CHST8: variants seen among roughly 807,000 people sequenced by gnomAD.
CHST8 encodes GALNAC-4-ST1.
Under a neutral mutation model 15.0 loss-of-function variants are expected in CHST8, and 10 were observed. That is an observed-to-expected ratio of 0.67 (90% CI 0.41 to 1.13). The LOEUF is 1.13. Among genes scored for constraint, CHST8 ranks in the 50% most tolerant of loss-of-function variants. The probability of loss-of-function intolerance (pLI) is 0.00; values close to 1 mark genes in which losing one functional copy is unlikely to be tolerated. For synonymous variants in CHST8, 259 were observed against 256.6 expected (o/e 1.01, Z -0.09); for missense variants, 634 against 608.2 (o/e 1.04, Z -0.45).
chr19:33,699,708 G>C (rs1375081237), intron 3 of CHST8, among the ~76,000 whole-genome samples: 1 of 152,198 alleles, frequency 6.6e-6, no homozygotes, highest in Non-Finnish European at 1.5e-5. Context: ...AGGCAGCGCT[G>C]TGTTGATTGG....
intron 1 of CHST8, among the ~76,000 whole-genome samples, chr19:33,633,843 G>C (rs1470094670): frequency 1.3e-5 from 2 of 150,742 alleles, no homozygotes; most frequent in Admixed American, 6.7e-5. Flanking sequence ...CTGTTGCCCA[G>C]GTTGTAGGGT....
chr19:33,668,517 C>A (rs1264881947), intron 2 of CHST8, among the ~76,000 whole-genome samples: 1 of 152,066 alleles, frequency 6.6e-6, no homozygotes, highest in Non-Finnish European at 1.5e-5. Context: ...CCACCTACCC[C>A]AGAAGTGGTC....
intron 1 of CHST8, among the ~76,000 whole-genome samples, chr19:33,639,853 T>C (rs1251984319): frequency 6.6e-6 from 1 of 151,858 alleles, no homozygotes; most frequent in African/African-American, 2.4e-5. Context: ...TTTTTTTTTT[T>C]TTTTGAGACA....
At chr19:33,674,734 C>T (rs1972787915) in intron 2 of CHST8, among the ~76,000 whole-genome samples, 1 of 152,190 alleles carries the variant, frequency 6.6e-6, no homozygotes, top group African/African-American at 2.4e-5. Flanking sequence ...GCCACCCTCC[C>T]ACCACCTTCC....
At chr19:33,757,502 GAAAGAAAGAAAGAAAGAAAGAGAAAGAA>G (rs1974604402) in intron 3 of CHST8, among the ~76,000 whole-genome samples, 4 of 45,052 alleles carry the variant, frequency 8.9e-5, no homozygotes, top group Non-Finnish European at 1.3e-4. Context: ...AAGAAAGAAA[GAAAGAAAGAAAGAAAGAAAGAGAAAGAA>G]AGAAAGAAAG....
intron 2 of CHST8, among the ~76,000 whole-genome samples, chr19:33,670,609 A>T (rs1292832021): frequency 2.0e-5 from 3 of 152,136 alleles, no homozygotes; most frequent in African/African-American, 7.2e-5. Context: ...CAGTTTCTGG[A>T]AGCCCTTTCC....
rs1266106373 is a variant in CHST8, at chr19:33,689,176, A to G, written c.-86A>G. 2.1e-6 allele frequency: 3 copies of G among 1,442,966 alleles called. No individual in the cohort carries two copies. The highest frequency in any genetic ancestry group is 2.7e-6 in the Non-Finnish European group (3 of 1,094,878). The allele number at this position is 1,442,966 out of a possible 1,614,324, so 89.4% of individuals were successfully genotyped here. On this transcript the variant is annotated splice_region_variant and 5_prime_UTR_variant, in exon 3 of 5. Transcript: ENST00000650847. Reference sequence around the variant, plus strand: ...TGACTATCCCTCCTCTGCCCCGTAGATCTCGGCCTGATGGACGCCTGGTGT... The same window carrying G: ...TGACTATCCCTCCTCTGCCCCGTAGGTCTCGGCCTGATGGACGCCTGGTGT...
At chr19:33,741,018 T>G (rs1974178137) in intron 3 of CHST8, among the ~76,000 whole-genome samples, 1 of 152,190 alleles carries the variant, frequency 6.6e-6, no homozygotes, top group Non-Finnish European at 1.5e-5. Context: ...AAAACAGCAC[T>G]CCCTCTCCTT....
At chr19:33,751,928 G>T (rs977386033) in intron 3 of CHST8, among the ~76,000 whole-genome samples, 1 of 152,190 alleles carries the variant, frequency 6.6e-6, no homozygotes, top group Non-Finnish European at 1.5e-5. Context: ...CTCCAACGGC[G>T]CCAGGAGGGG....
intron 3 of CHST8, among the ~76,000 whole-genome samples, chr19:33,736,610 TG>T (rs766207312): frequency 4.6e-5 from 7 of 151,976 alleles, no homozygotes; most frequent in Non-Finnish European, 1.0e-4. Flanking sequence ...TGAGCAGCTC[TG>T]GGGACATGGG....
chr19:33,643,268 A>G (rs754478065), intron 1 of CHST8, among the ~76,000 whole-genome samples: 7 of 152,204 alleles, frequency 4.6e-5, no homozygotes, highest in Non-Finnish European at 1.0e-4. Flanking sequence ...ATCTGTGTCA[A>G]TTAGATAGGT....
intron 3 of CHST8, 69 bp downstream of exon 3, chr19:33,689,460 G>T: frequency 6.8e-7 from 1 of 1,462,452 alleles, no homozygotes; most frequent in Non-Finnish European, 9.1e-7. Flanking sequence ...GGCCTCCACA[G>T]CTGCCCTGGT....
At chr19:33,705,869 G>A (rs553474075) in intron 3 of CHST8, among the ~76,000 whole-genome samples, 3 of 152,162 alleles carry the variant, frequency 2.0e-5, no homozygotes, top group Non-Finnish European at 2.9e-5. Flanking sequence ...AGAGTCCTGA[G>A]AGCATTCAAG....
At chr19:33,710,505 A>G (rs1463342095) in intron 3 of CHST8, among the ~76,000 whole-genome samples, 1 of 152,172 alleles carries the variant, frequency 6.6e-6, no homozygotes, top group Non-Finnish European at 1.5e-5. Flanking sequence ...CTTTTCTAAT[A>G]TAGACATTAC....
At chr19:33,741,355 A>C (rs1022487324) in intron 3 of CHST8, among the ~76,000 whole-genome samples, 3 of 152,220 alleles carry the variant, frequency 2.0e-5, no homozygotes, top group South Asian at 4.1e-4. Context: ...GGTTTATATT[A>C]TGACAAAGAA....
At chr19:33,762,179 G>A (rs1373361655) in intron 3 of CHST8, among the ~76,000 whole-genome samples, 1 of 152,186 alleles carries the variant, frequency 6.6e-6, no homozygotes, top group East Asian at 1.9e-4. Flanking sequence ...CACTGTAGAG[G>A]TCACTGCAGG....
At chr19:33,623,243 T>G (rs1972009357) in intron 1 of CHST8, among the ~76,000 whole-genome samples, 1 of 152,198 alleles carries the variant, frequency 6.6e-6, no homozygotes, top group Non-Finnish European at 1.5e-5. Flanking sequence ...GCTGCCCGGC[T>G]GTCTGTTTTA....
intron 2 of CHST8, among the ~76,000 whole-genome samples, chr19:33,678,470 G>C (rs1216076387): frequency 2.0e-5 from 3 of 152,206 alleles, no homozygotes; most frequent in East Asian, 1.9e-4. Flanking sequence ...GGTCAAGACT[G>C]TGAGGGTTTA....
chr19:33,699,432 G>A (rs946574717), intron 3 of CHST8, among the ~76,000 whole-genome samples: 1 of 152,164 alleles, frequency 6.6e-6, no homozygotes. Flanking sequence ...TTCTTGAGAG[G>A]TGAGTGCTGA....
Sources: gnomAD v4.1 joint callset for allele counts (sites outside exome capture counted in the v4.1 genomes callset) on GRCh38, gnomAD v4.1.1 for gene constraint, MANE v1.5 for transcripts, NCBI Gene and HGNC (gene_info 2026-07-23, HGNC 2026-07-21) for gene names.